The following CNTNAP2 variants were observed in gnomAD, a reference collection of about 807,000 sequenced individuals.
CNTNAP2 encodes contactin-associated protein-like 2.
CNTNAP2 carries 98 observed loss-of-function variants against 155.2 expected under a neutral mutation model. The ratio of observed to expected loss-of-function variants is 0.63; its 90% CI spans 0.54 to 0.75. The LOEUF (loss-of-function observed/expected upper bound fraction) is 0.75, where lower values mean the gene tolerates loss of function less well. Among genes scored for constraint, CNTNAP2 ranks in the 30% least tolerant of loss-of-function variants. The pLI is 0.00. For synonymous variants in CNTNAP2, 651 were observed against 631.2 expected (o/e 1.03, Z -0.47); for missense variants, 1,727 against 1,688.1 (o/e 1.02, Z -0.40).
chr7:148,220,264 G>A (rs931357794), intron 19 of CNTNAP2, among the ~76,000 whole-genome samples: 70 of 152,100 alleles, frequency 4.6e-4, no homozygotes, highest in Non-Finnish European at 5.9e-4. Flanking sequence ...CACAACGCCC[G>A]GCTAATTTTT....
intron 18 of CNTNAP2, among the ~76,000 whole-genome samples, chr7:148,187,757 T>C (rs530485952): frequency 7.9e-4 from 120 of 152,262 alleles, no homozygotes; most frequent in Middle Eastern, 3.4e-3. Context: ...GAGCTTTTTT[T>C]CCTCTAGCCA....
chr7:146,750,755 C>G (rs1016354768), intron 1 of CNTNAP2, among the ~76,000 whole-genome samples: 3 of 152,124 alleles, frequency 2.0e-5, no homozygotes, highest in Admixed American at 2.0e-4. Context: ...GTGATTGTAT[C>G]TTTTCTCTTT....
chr7:147,399,487 G>A (rs1427736872), intron 10 of CNTNAP2, among the ~76,000 whole-genome samples: 1 of 152,082 alleles, frequency 6.6e-6, no homozygotes, highest in Non-Finnish European at 1.5e-5. Context: ...AATTAGATGT[G>A]GGGTATGAGA....
intron 9 of CNTNAP2, among the ~76,000 whole-genome samples, chr7:147,302,011 T>C (rs902914770): frequency 1.4e-4 from 22 of 152,178 alleles, no homozygotes; most frequent in Non-Finnish European, 2.2e-4. Flanking sequence ...AAGTTAAGAC[T>C]ACATGATTTT....
At chr7:146,148,615 C>T (rs543702061) in intron 1 of CNTNAP2, among the ~76,000 whole-genome samples, 1 of 151,902 alleles carries the variant, frequency 6.6e-6, no homozygotes, top group Non-Finnish European at 1.5e-5. Context: ...AAGAGAAAAC[C>T]TTGAAAAGGT....
At chr7:146,937,365 A>T (rs1192377661) in intron 3 of CNTNAP2, among the ~76,000 whole-genome samples, 1 of 65,514 alleles carries the variant, frequency 1.5e-5, no homozygotes, top group East Asian at 2.1e-4. Flanking sequence ...AAAAAAAATA[A>T]AAATAAAATA....
chr7:147,911,039 C>T (rs1800055769), intron 14 of CNTNAP2, among the ~76,000 whole-genome samples: 1 of 152,154 alleles, frequency 6.6e-6, no homozygotes, highest in African/African-American at 2.4e-5. Flanking sequence ...GTTGTGCAAT[C>T]ATCACCATCA....
chr7:146,826,859 G>T (rs10239378), intron 2 of CNTNAP2, among the ~76,000 whole-genome samples: 6,351 of 139,124 alleles, frequency 0.046, 132 homozygotes, highest in East Asian at 0.1. Flanking sequence ...TATATATATA[G>T]AGAGAGAGAG....
intron 1 of CNTNAP2, among the ~76,000 whole-genome samples, chr7:146,615,761 G>A (rs1203182006): frequency 6.6e-6 from 1 of 152,170 alleles, no homozygotes; most frequent in Non-Finnish European, 1.5e-5. Flanking sequence ...GTTCCTTGGT[G>A]GGGAGAAACC....
chr7:146,871,206 A>C (rs1229427606), intron 3 of CNTNAP2, among the ~76,000 whole-genome samples: 2 of 152,110 alleles, frequency 1.3e-5, no homozygotes, highest in Non-Finnish European at 2.9e-5. Context: ...AGGGGCATTT[A>C]ATTCTTACCA....
intron 13 of CNTNAP2, among the ~76,000 whole-genome samples, chr7:147,864,359 C>T (rs1381448175): frequency 6.6e-6 from 1 of 152,070 alleles, no homozygotes; most frequent in Middle Eastern, 3.2e-3. Flanking sequence ...AGTCAGGTAG[C>T]ATGATGCCTC....
intron 1 of CNTNAP2, among the ~76,000 whole-genome samples, chr7:146,533,773 T>C (rs1797805497): frequency 6.6e-6 from 1 of 152,130 alleles, no homozygotes; most frequent in Admixed American, 6.5e-5. Flanking sequence ...GAGACCATCT[T>C]CTTGGCTTTA....
chr7:147,107,160 C>T (rs905631770), intron 4 of CNTNAP2, among the ~76,000 whole-genome samples: 1 of 152,086 alleles, frequency 6.6e-6, no homozygotes, highest in African/African-American at 2.4e-5. Context: ...ATCATGGTAA[C>T]GAAGCTTCTA....
chr7:147,003,534 C>A (rs190360283), intron 3 of CNTNAP2, among the ~76,000 whole-genome samples: 1 of 151,432 alleles, frequency 6.6e-6, no homozygotes, highest in Non-Finnish European at 1.5e-5. Context: ...GAAATAACAA[C>A]GTAAGAGTTA....
chr7:148,272,248 G>T (rs191934921), intron 21 of CNTNAP2, among the ~76,000 whole-genome samples: 3 of 152,220 alleles, frequency 2.0e-5, no homozygotes, highest in East Asian at 3.9e-4. Context: ...ATCAGCAAAG[G>T]TTCACAAAGG....
In CNTNAP2 at chr7:146,710,149, G is replaced by C. The variant is rs983677125; in HGVS notation, c.98-64122G>C. Among the ~76,000 whole-genome samples, 4 of 152,304 alleles carry C rather than the reference G, an allele frequency of 2.6e-5. No homozygotes were observed. The East Asian group carries it at 7.7e-4, about 29-fold the overall frequency. ...TTGGAAAGCAGTGTCAGAGGAGTAAGAGATGAATGAAACATGGATTAGGAT... is the reference window on the plus strand; with the variant it reads ...TTGGAAAGCAGTGTCAGAGGAGTAACAGATGAATGAAACATGGATTAGGAT... On this transcript the variant is annotated intron_variant, in intron 1 of 23. Coordinates refer to ENST00000361727, the MANE Select transcript of CNTNAP2 (RefSeq NM_014141.6).
intron 1 of CNTNAP2, among the ~76,000 whole-genome samples, chr7:146,625,552 C>G (rs1416983949): frequency 1.3e-5 from 2 of 151,906 alleles, no homozygotes; most frequent in Admixed American, 1.3e-4. Context: ...GTTACAAATT[C>G]TATACATTTG....
At chr7:147,622,839 T>C (rs1794891051) in intron 12 of CNTNAP2, among the ~76,000 whole-genome samples, 1 of 151,952 alleles carries the variant, frequency 6.6e-6, no homozygotes, top group South Asian at 2.1e-4. Context: ...AACAAAAATT[T>C]GGTTTATTGA....
chr7:147,524,912 T>C (rs1799291042), intron 11 of CNTNAP2, among the ~76,000 whole-genome samples: 1 of 152,158 alleles, frequency 6.6e-6, no homozygotes. Flanking sequence ...TACTGAATAA[T>C]TTCCACCATT....
Sources: gnomAD v4.1 joint callset for allele counts (sites outside exome capture counted in the v4.1 genomes callset) on GRCh38, gnomAD v4.1.1 for gene constraint, MANE v1.5 for transcripts, NCBI Gene and HGNC (gene_info 2026-07-23, HGNC 2026-07-21) for gene names.